MORC1: variants seen among roughly 807,000 people sequenced by gnomAD.
MORC1 encodes the protein MORC family CW-type zinc finger protein 1.
In MORC1, 59 loss-of-function variants were observed where a neutral mutation model predicts 134.9. The observed-to-expected ratio is 0.44, with a 90% CI of 0.35 to 0.54. The LOEUF (loss-of-function observed/expected upper bound fraction) is 0.54. MORC1 is among the 20% of genes least tolerant of loss of function. The pLI is 0.00. For synonymous variants in MORC1, 395 were observed against 391.7 expected (o/e 1.01, Z -0.10); for missense variants, 947 against 1,134.5 (o/e 0.83, Z 2.37).
chr3:109,103,447 G>A (rs944764539), intron 4 of MORC1, among the ~76,000 whole-genome samples: 3 of 152,194 alleles, frequency 2.0e-5, no homozygotes, highest in Non-Finnish European at 4.4e-5. Flanking sequence ...TCTACCTCGA[G>A]GTTAAGCAAA....
intron 2 of MORC1, 92 bp from the exon 3 acceptor site, chr3:109,110,875 A>G: frequency 9.9e-6 from 9 of 904,758 alleles, no homozygotes; most frequent in Non-Finnish European, 1.5e-5. Context: ...CAATACAAAA[A>G]TCCACTTAAA....
chr3:108,961,859 A>G (rs1947089404), intron 27 of MORC1, among the ~76,000 whole-genome samples: 1 of 152,216 alleles, frequency 6.6e-6, no homozygotes, highest in Non-Finnish European at 1.5e-5. Flanking sequence ...TGGATTTGCT[A>G]TTATGAAAGC....
intron 8 of MORC1, among the ~76,000 whole-genome samples, chr3:109,081,629 A>G (rs1473313492): frequency 6.6e-6 from 1 of 151,936 alleles, no homozygotes; most frequent in African/African-American, 2.4e-5. Context: ...TAAGTTTTGT[A>G]TATTTACTAG....
intron 3 of MORC1, chr3:109,110,068 G>C (rs879357997): frequency 6.6e-6 from 1 of 152,188 alleles, no homozygotes; most frequent in Non-Finnish European, 1.5e-5. Context: ...TGAAGCGTAA[G>C]CACTCCTCTG....
At chr3:109,061,620 A>G (rs745318427) in intron 11 of MORC1, among the ~76,000 whole-genome samples, 2 of 152,176 alleles carry the variant, frequency 1.3e-5, no homozygotes, top group Admixed American at 1.3e-4. Flanking sequence ...ATTTGAATAG[A>G]TATTTTCAAG....
chr3:109,093,402 T>C (rs1022283138), intron 8 of MORC1, 34 bp downstream of exon 8: 3 of 1,534,194 alleles, frequency 2.0e-6, no homozygotes, highest in Non-Finnish European at 1.8e-6. Flanking sequence ...CTCACCACCA[T>C]TGTTGAAAAA....
At chr3:109,003,762 T>C (rs905351158) in intron 20 of MORC1, among the ~76,000 whole-genome samples, 19 of 152,224 alleles carry the variant, frequency 1.2e-4, no homozygotes, top group Admixed American at 4.6e-4. Context: ...AGATTCAGCT[T>C]GGCTCATATA....
chr3:109,076,348 G>A (rs771848071), intron 8 of MORC1, among the ~76,000 whole-genome samples: 3 of 152,166 alleles, frequency 2.0e-5, no homozygotes, highest in Admixed American at 1.3e-4. Context: ...AGAGGATGGG[G>A]AGAAATAGGA....
At chr3:109,032,209 GA>G (rs1201115171) in intron 16 of MORC1, among the ~76,000 whole-genome samples, 1 of 152,088 alleles carries the variant, frequency 6.6e-6, no homozygotes, top group African/African-American at 2.4e-5. Flanking sequence ...CCCTATGGGG[GA>G]AAATATTAGT....
intron 26 of MORC1, among the ~76,000 whole-genome samples, chr3:108,967,108 G>C (rs1947241929): frequency 6.6e-6 from 1 of 152,100 alleles, no homozygotes; most frequent in Non-Finnish European, 1.5e-5. Context: ...AGTAGGAACT[G>C]CTGGTCTCCT....
chr3:109,038,357 A>T (rs1175639130), intron 14 of MORC1, among the ~76,000 whole-genome samples: 1 of 151,464 alleles, frequency 6.6e-6, no homozygotes, highest in Non-Finnish European at 1.5e-5. Flanking sequence ...AGATGGGTAG[A>T]TTGCAAACAT....
At chr3:108,978,683 TGTTTGAGAACTC>T (rs1365042529) in intron 24 of MORC1, among the ~76,000 whole-genome samples, 1 of 152,234 alleles carries the variant, frequency 6.6e-6, no homozygotes, top group Non-Finnish European at 1.5e-5. Flanking sequence ...CTGCTTCTAC[TGTTTGAGAACTC>T]TCATCTTCAG....
intron 17 of MORC1, among the ~76,000 whole-genome samples, chr3:109,018,396 T>C (rs1948868496): frequency 6.6e-6 from 1 of 152,056 alleles, no homozygotes; most frequent in Non-Finnish European, 1.5e-5. Flanking sequence ...TGTGTTTACA[T>C]TTTAAGGGAG....
At chr3:109,074,468 G>A (rs1389014820) in intron 8 of MORC1, among the ~76,000 whole-genome samples, 1 of 152,182 alleles carries the variant, frequency 6.6e-6, no homozygotes, top group Non-Finnish European at 1.5e-5. Flanking sequence ...AATCAAGAAA[G>A]ATGATATAAG....
Position 109,005,192 on chromosome 3 carries a change from C to T in MORC1, c.1891G>A (p.Asp631Asn), listed in dbSNP as rs767428867. 1.2e-6 allele frequency: 2 copies of T among 1,613,978 alleles called. No homozygotes were observed. Among genetic ancestry groups the T allele is most frequent in the Non-Finnish European group, 1.7e-6 (2 of 1,179,964 alleles). Reference protein sequence around the residue: ...QKRNIEETDSDVEYISETKIM... With the variant: ...QKRNIEETDSNVEYISETKIM... ...TTTGTTTCTGAAATATACTCTACAT[C>T]AGAGTCTGTCTCTTCTATGTTTCTT... The change falls in exon 19 of 28, where the codon GAT (aspartate) becomes AAT (asparagine). Residue 631 changes from aspartate (D) to asparagine (N), a missense_variant. Around this residue, in one of 3 missense-constraint regions of MORC1, gnomAD observed 722 missense variants for 817.0 expected, o/e 0.88. Coordinates refer to ENST00000232603, the MANE Select transcript of MORC1 (RefSeq NM_014429.4).
At chr3:109,029,033 T>A (rs183110168) in intron 16 of MORC1, among the ~76,000 whole-genome samples, 6 of 152,208 alleles carry the variant, frequency 3.9e-5, no homozygotes, top group Admixed American at 3.3e-4. Context: ...GAGAGGACTT[T>A]CTCCCATCTG....
intron 22 of MORC1, 112 bp from the exon 23 acceptor site, chr3:108,984,894 A>T: frequency 1.4e-6 from 1 of 707,616 alleles, no homozygotes; most frequent in South Asian, 2.0e-5. Flanking sequence ...ATTTGTATTG[A>T]AACATCCATT....
chr3:109,001,409 G>A (rs139061322), intron 20 of MORC1, among the ~76,000 whole-genome samples: 138 of 152,282 alleles, frequency 9.1e-4, no homozygotes, highest in African/African-American at 3.0e-3. Flanking sequence ...ACTTTTGCAC[G>A]AATCTATAAT....
chr3:108,986,941 A>G lies in MORC1; in HGVS notation c.2196T>C (p.Asp732=), dbSNP rs769607549. Residue 732 remains aspartate, a synonymous_variant, in exon 22 of 28, where the codon GAT becomes GAC. Coordinates refer to ENST00000232603, the MANE Select transcript of MORC1 (RefSeq NM_014429.4). ...TCAATGAAACATCAGTGTTGCTTTT[A>G]TCTGAAACCTGAAAAACAAGCTCTT... ...TSDSDIILVS[D]KSNTDVSLKQ... The G allele has an allele frequency of 6.4e-7, 1 of 1,566,348 alleles. No homozygotes were observed. Among genetic ancestry groups the G allele is most frequent in the South Asian group, 1.2e-5 (1 of 80,950 alleles).
Sources: gnomAD v4.1 joint callset for allele counts (sites outside exome capture counted in the v4.1 genomes callset) on GRCh38, gnomAD v4.1.1 for gene constraint, gnomAD v4.1.1 regional missense constraint, MANE v1.5 for transcripts, NCBI Gene and HGNC (gene_info 2026-07-23, HGNC 2026-07-21) for gene names.